Variants in SV2B observed in about 807,000 individuals in gnomAD.
SV2B encodes the protein solute carrier family 22 member B2.
A neutral mutation model predicts 73.9 loss-of-function variants in SV2B; 41 were observed. The ratio of observed to expected loss-of-function variants is 0.56; its 90% CI spans 0.43 to 0.72. The LOEUF (loss-of-function observed/expected upper bound fraction) is 0.72, where lower values mean the gene tolerates loss of function less well. Among genes scored for constraint, SV2B ranks in the 30% least tolerant of loss-of-function variants. SV2B has a pLI of 0.00. For missense variants in SV2B, 764 were observed against 857.8 expected (o/e 0.89, Z 1.37); for synonymous variants, 314 against 314.2 (o/e 1.00, Z 0.01).
rs554724064 is a variant in SV2B at position 91,163,841 on chromosome 15, A to G, written c.-391-62032A>G. 1.9e-3 allele frequency among the ~76,000 whole-genome samples: 289 copies of G among 152,156 alleles called. 2 individuals are homozygous for G. Among genetic ancestry groups the G allele is most frequent in the African/African-American group, 6.3e-3 (262 of 41,524 alleles). On this transcript the variant is annotated intron_variant, in intron 1 of 12. Coordinates refer to ENST00000394232, the MANE Select transcript of SV2B (RefSeq NM_001323032.3). ...TTTTAGTCATGAAGTCCTTGCCCAT[A>G]CCTATGTCCTGAATGGTATTGCCTA...
intron 1 of SV2B, among the ~76,000 whole-genome samples, chr15:91,148,056 C>G (rs2043199667): frequency 7.3e-6 from 1 of 137,094 alleles, no homozygotes. Context: ...TCTCGGCTCA[C>G]TGCAACTTCC....
chr15:91,128,962 T>C lies in SV2B; in HGVS notation c.-392+28599T>C, dbSNP rs1002206422. On this transcript the variant is annotated intron_variant, in intron 1 of 12. Coordinates refer to ENST00000394232, the MANE Select transcript of SV2B (RefSeq NM_001323032.3). The surrounding 1 kb of genome is among the most constrained non-coding windows in gnomAD (Gnocchi z 4.2). ...GTCTTTGGGTCTTCATTCTGAAGGC[T>C]CCCGTGGATACACGTCAAATAAAGT... Among the ~76,000 whole-genome samples the C allele has an allele frequency of 6.6e-6, 1 of 152,270 alleles. No homozygotes were observed. The highest frequency in any genetic ancestry group is 1.5e-5 in the Non-Finnish European group (1 of 68,048).
intron 1 of SV2B, among the ~76,000 whole-genome samples, chr15:91,127,767 T>A (rs1286971969): frequency 6.6e-6 from 1 of 152,130 alleles, no homozygotes; most frequent in African/African-American, 2.4e-5. Flanking sequence ...TTCAGCATGC[T>A]GCCTCCATAG....
At position 91,103,751 on chromosome 15, in the gene SV2B, G is replaced by A. The variant is rs1478374400; in HGVS notation, c.-392+3388G>A. Among the ~76,000 whole-genome samples, 6 of 152,144 alleles carry A rather than the reference G, an allele frequency of 3.9e-5. No homozygotes were observed. In the East Asian group the frequency reaches 1.2e-3, roughly 29 times the overall value. On this transcript the variant is annotated intron_variant, in intron 1 of 12. Transcript: ENST00000394232. The stretch of plus-strand genomic sequence containing the variant: ...TTTCTGTGAAATAGAATGAGGTGAG[G>A]CTGGGTCAAGGTCAGAGAGTCTGGC...
chr15:91,256,160 G>A (rs1384202024), intron 4 of SV2B, among the ~76,000 whole-genome samples: 1 of 152,188 alleles, frequency 6.6e-6, no homozygotes, highest in Non-Finnish European at 1.5e-5. Flanking sequence ...CCAGCTGTTT[G>A]TGAAATCCTG....
Position 91,258,502 on chromosome 15 carries a change from T to C in SV2B, c.866T>C (p.Val289Ala). 6.2e-7 allele frequency: 1 copy of C among 1,614,160 alleles called. No homozygotes were observed. Among genetic ancestry groups the C allele is most frequent in the Non-Finnish European group, 8.5e-7 (1 of 1,179,992 alleles). Residue 289 changes from valine (V) to alanine (A), a missense_variant, in exon 5 of 13, where the codon GTG (valine) becomes GCG (alanine). Coordinates refer to ENST00000394232, the MANE Select transcript of SV2B (RefSeq NM_001323032.3). The surrounding 1 kb of genome is among the most constrained non-coding windows in gnomAD (Gnocchi z 4.7). Reference sequence around the variant, plus strand: ...ATCGTCTGTGCTCTGCCCTGCACCGTGTCCATGGTGGCCCTGAAGTTCATG... The same window carrying C: ...ATCGTCTGTGCTCTGCCCTGCACCGCGTCCATGGTGGCCCTGAAGTTCATG... ...FVIVCALPCT[V>A]SMVALKFMPE...
At position 91,240,487 on chromosome 15, in the gene SV2B, C is replaced by T. The variant is rs56325903; in HGVS notation, c.452-11332C>T. On this transcript the variant is annotated intron_variant, in intron 2 of 12. Transcript: ENST00000394232. The surrounding 1 kb of genome is among the most constrained non-coding windows in gnomAD (Gnocchi z 4.6). ...TGATGAACAAGAGGTGTTAGTCCCTCCTGTCCTGTCATGGAGCCAACATTT... is the reference window on the plus strand; with the variant it reads ...TGATGAACAAGAGGTGTTAGTCCCTTCTGTCCTGTCATGGAGCCAACATTT... Among the ~76,000 whole-genome samples the T allele has an allele frequency of 0.057, 8,719 of 152,190 alleles. 347 individuals are homozygous for T. Among genetic ancestry groups the T allele is most frequent in the Middle Eastern group, 0.11 (31 of 294 alleles).
intron 1 of SV2B, among the ~76,000 whole-genome samples, chr15:91,207,170 C>A (rs558292973): frequency 6.6e-6 from 1 of 150,764 alleles, no homozygotes; most frequent in Non-Finnish European, 1.5e-5. Context: ...TACAGGCACA[C>A]GCCATTATGC....
intron 1 of SV2B, among the ~76,000 whole-genome samples, chr15:91,209,267 A>AT (rs1295227201): frequency 6.6e-6 from 1 of 151,958 alleles, no homozygotes; most frequent in African/African-American, 2.4e-5. Context: ...GATTAGAGGC[A>AT]TGTGCCACCA....
At chr15:91,230,764 G>A (rs1312890202) in intron 2 of SV2B, among the ~76,000 whole-genome samples, 1 of 152,174 alleles carries the variant, frequency 6.6e-6, no homozygotes, top group African/African-American at 2.4e-5. Context: ...AATACAAGGA[G>A]ACAAAGTCCT....
chr15:91,264,140 A>G (rs2048022543), intron 6 of SV2B, among the ~76,000 whole-genome samples: 1 of 152,236 alleles, frequency 6.6e-6, no homozygotes, highest in Non-Finnish European at 1.5e-5. Context: ...CTCGTACAGA[A>G]GGTTCCACGC....
intron 1 of SV2B, among the ~76,000 whole-genome samples, chr15:91,207,600 A>G (rs1332393376): frequency 6.6e-6 from 1 of 152,182 alleles, no homozygotes; most frequent in Non-Finnish European, 1.5e-5. Flanking sequence ...TCTTTTCCTC[A>G]CCTATCACAA....
At chr15:91,177,702 T>G in intron 1 of SV2B, among the ~76,000 whole-genome samples, 1 of 121,522 alleles carries the variant, frequency 8.2e-6, no homozygotes. Context: ...TTGTCTGTTA[T>G]TGGTGTATAA....
At chr15:91,103,867 A>C (rs1018481045) in intron 1 of SV2B, among the ~76,000 whole-genome samples, 3 of 152,150 alleles carry the variant, frequency 2.0e-5, no homozygotes, top group Admixed American at 6.5e-5. Context: ...CTGCCTCAGA[A>C]ACCTGATCTG....
intron 9 of SV2B, among the ~76,000 whole-genome samples, chr15:91,273,945 A>G (rs570555288): frequency 1.5e-4 from 23 of 152,316 alleles, no homozygotes; most frequent in African/African-American, 5.1e-4. Context: ...AGATAAAACC[A>G]TATTATATTA....
chr15:91,272,602 C>T (rs2048350494), intron 9 of SV2B, among the ~76,000 whole-genome samples: 1 of 152,042 alleles, frequency 6.6e-6, no homozygotes, highest in Non-Finnish European at 1.5e-5. Context: ...GAGAAAAGCT[C>T]TCTTGAGTTT....
Position 91,300,453 on chromosome 15 carries a change from T to C in SV2B, c.*7901T>C, listed in dbSNP as rs1175269619. 1.3e-5 allele frequency: 2 copies of C among 152,268 alleles called. No homozygotes were observed. Among genetic ancestry groups the C allele is most frequent in the African/African-American group, 4.8e-5 (2 of 41,474 alleles). The allele number at this position is 152,268 out of a possible 1,614,324, so 9.4% of individuals were successfully genotyped here. On this transcript the variant is annotated 3_prime_UTR_variant, in exon 13 of 13. Transcript: ENST00000394232. ...TGTTTCAGCTTTCCATAGTCATTCATACTTGTGAATCTTCTTCCTCTTCTA... is the reference window on the plus strand; with the variant it reads ...TGTTTCAGCTTTCCATAGTCATTCACACTTGTGAATCTTCTTCCTCTTCTA...
intron 11 of SV2B, among the ~76,000 whole-genome samples, chr15:91,287,801 CAAA>C (rs2048910504): frequency 6.6e-6 from 1 of 152,150 alleles, no homozygotes; most frequent in Non-Finnish European, 1.5e-5. Flanking sequence ...GTTATGGAAA[CAAA>C]TAAGGCAGGT....
intron 1 of SV2B, among the ~76,000 whole-genome samples, chr15:91,152,177 T>C (rs755815554): frequency 9.9e-5 from 15 of 151,658 alleles, no homozygotes; most frequent in Non-Finnish European, 2.1e-4. Flanking sequence ...GGTTGCCCAG[T>C]TTTTACTCTT....
Sources: allele counts gnomAD v4.1 joint callset (sites outside exome capture counted in the v4.1 genomes callset), GRCh38; gene constraint gnomAD v4.1.1; non-coding constraint Gnocchi (gnomAD v3.1); transcripts MANE v1.5; gene names NCBI Gene and HGNC (gene_info 2026-07-23, HGNC 2026-07-21).